The following KLF8 variants were observed in gnomAD, a reference collection of about 807,000 sequenced individuals.
The protein encoded by KLF8 is KLF transcription factor 8.
In KLF8, 10 loss-of-function variants were observed where a neutral mutation model predicts 18.2. That is an observed-to-expected ratio of 0.55 (90% CI 0.34 to 0.93). KLF8 has a LOEUF of 0.93. Among genes scored for constraint, KLF8 ranks in the 40% least tolerant of loss-of-function variants. The pLI, the probability that KLF8 is intolerant of heterozygous loss-of-function variation, is 0.02. For missense variants in KLF8, 264 were observed against 277.9 expected, an observed-to-expected ratio of 0.95 and a Z score of 0.36; for synonymous variants, 109 against 97.3, an observed-to-expected ratio of 1.12 and a Z score of -0.71.
the KLF8 span, among the ~76,000 whole-genome samples, chrX:55,924,651 G>C: frequency 0.18 from 19,271 of 109,695 alleles, 3,517 homozygotes; most frequent in African/African-American, 0.55. Context: ...TAATGCCAGA[G>C]ACTTTATTAT....
chrX:56,134,933 C>A, the KLF8 span, among the ~76,000 whole-genome samples: 2 of 111,476 alleles, frequency 1.8e-5, no homozygotes, highest in Admixed American at 1.9e-4. Context: ...CACTAATGAT[C>A]AGGGAAGTGC....
chrX:56,008,766 T>C, the KLF8 span, among the ~76,000 whole-genome samples: 3 of 112,272 alleles, frequency 2.7e-5, no homozygotes, highest in South Asian at 1.1e-3. Flanking sequence ...CCAGGGAGAC[T>C]GGGCAGTTTG....
the KLF8 span, among the ~76,000 whole-genome samples, chrX:56,088,115 G>T: frequency 8.7e-4 from 97 of 111,474 alleles, no homozygotes; most frequent in African/African-American, 2.7e-3. Context: ...TGGAAATATG[G>T]TCTTTTTTGG....
chrX:56,178,086 TG>T, the KLF8 span, among the ~76,000 whole-genome samples: 1 of 112,076 alleles, frequency 8.9e-6, no homozygotes, highest in Non-Finnish European at 1.9e-5. Flanking sequence ...TGGCTCACAC[TG>T]GGTGCACTGC....
chrX:56,022,077 T>A, the KLF8 span, among the ~76,000 whole-genome samples: 3 of 111,197 alleles, frequency 2.7e-5, no homozygotes, highest in African/African-American at 9.8e-5. Flanking sequence ...AATATCTGAA[T>A]TTAAGATTAC....
the KLF8 span, among the ~76,000 whole-genome samples, chrX:55,925,171 A>ATTTTTTTTTCTTTTC: frequency 1.4e-5 from 1 of 70,036 alleles, no homozygotes; most frequent in Non-Finnish European, 2.6e-5. Context: ...TGGTGGTTTC[A>ATTTTTTTTTCTTTTC]TTTTTTTTTT....
intron 1 of KLF8, among the ~76,000 whole-genome samples, chrX:56,247,569 A>G (rs2066639407): frequency 9.0e-6 from 1 of 111,332 alleles, no homozygotes; most frequent in Admixed American, 9.6e-5. Context: ...TTGTATTCTT[A>G]TTTTATAAGC....
the KLF8 span, among the ~76,000 whole-genome samples, chrX:56,087,881 G>C: frequency 9.1e-6 from 1 of 110,402 alleles, no homozygotes; most frequent in South Asian, 3.7e-4. Flanking sequence ...TCAATAAATA[G>C]TTATTGGTTA....
the KLF8 span, among the ~76,000 whole-genome samples, chrX:55,925,566 A>C: frequency 9.0e-6 from 1 of 111,660 alleles, no homozygotes; most frequent in African/African-American, 3.3e-5. Flanking sequence ...TTATGATCCA[A>C]TTCGGTGGGT....
At chrX:56,121,775 G>C in the KLF8 span, among the ~76,000 whole-genome samples, 1 of 112,095 alleles carries the variant, frequency 8.9e-6, no homozygotes, top group African/African-American at 3.2e-5. Context: ...TCAGAAAGTA[G>C]TTGATAGTCC....
At chrX:55,917,148 C>T in the KLF8 span, among the ~76,000 whole-genome samples, 3 of 112,312 alleles carry the variant, frequency 2.7e-5, no homozygotes, top group African/African-American at 9.7e-5. Flanking sequence ...ATTGTTCTGA[C>T]TTCCTCAAGC....
At chrX:55,997,397 C>A in the KLF8 span, among the ~76,000 whole-genome samples, 1 of 111,882 alleles carries the variant, frequency 8.9e-6, no homozygotes, top group East Asian at 2.8e-4. Context: ...CCAGCCAGCT[C>A]AAATGTCTGT....
At chrX:56,118,140 G>C in the KLF8 span, among the ~76,000 whole-genome samples, 4 of 111,698 alleles carry the variant, frequency 3.6e-5, no homozygotes, top group Admixed American at 1.9e-4. Context: ...GGGCAGGAAG[G>C]GGGGACAAAA....
the KLF8 span, among the ~76,000 whole-genome samples, chrX:56,029,903 C>T: frequency 2.7e-5 from 3 of 111,894 alleles, no homozygotes; most frequent in South Asian, 1.1e-3. Context: ...TTCTCTGCGG[C>T]TTGTTGCATC....
the KLF8 span, among the ~76,000 whole-genome samples, chrX:55,938,482 C>A: frequency 1.8e-5 from 2 of 111,505 alleles, no homozygotes; most frequent in South Asian, 7.6e-4. Flanking sequence ...AGTAAAATAA[C>A]CAGCTAACAT....
the KLF8 span, among the ~76,000 whole-genome samples, chrX:56,168,292 G>A: frequency 9.0e-6 from 1 of 111,271 alleles, no homozygotes; most frequent in East Asian, 2.8e-4. Flanking sequence ...AATTATGAAA[G>A]CAATTCTATG....
chrX:55,923,364 C>T, the KLF8 span, among the ~76,000 whole-genome samples: 1 of 110,204 alleles, frequency 9.1e-6, no homozygotes, highest in Non-Finnish European at 1.9e-5. Flanking sequence ...GGGAGACCAT[C>T]CAGAAGAATA....
At chrX:56,196,515 G>T in the KLF8 span, among the ~76,000 whole-genome samples, 1 of 112,009 alleles carries the variant, frequency 8.9e-6, no homozygotes, top group African/African-American at 3.2e-5. Context: ...ATTACATAAT[G>T]GTAAAGGAAT....
At chrX:56,030,864 C>T in the KLF8 span, among the ~76,000 whole-genome samples, 1 of 109,277 alleles carries the variant, frequency 9.2e-6, no homozygotes, top group Non-Finnish European at 1.9e-5. Context: ...AACTAACTGT[C>T]CCTTTGCTAC....
Sources: gnomAD v4.1 joint callset for allele counts (sites outside exome capture counted in the v4.1 genomes callset) on GRCh38, gnomAD v4.1.1 for gene constraint, MANE v1.5 for transcripts, NCBI Gene and HGNC (gene_info 2026-07-23, HGNC 2026-07-21) for gene names.